The following FTCDNL1 variants were observed in gnomAD, a reference collection of about 807,000 sequenced individuals.
FTCDNL1 encodes formiminotransferase N-terminal subdomain-containing protein.
FTCDNL1 carries 11 observed loss-of-function variants against 5.9 expected under a neutral mutation model. The observed-to-expected ratio is 1.87, with a 90% CI of 1.18 to 3.10. The LOEUF (loss-of-function observed/expected upper bound fraction) is 3.10. Ranked by LOEUF, FTCDNL1 falls within the 30% of genes most tolerant of loss-of-function variation. The probability of loss-of-function intolerance (pLI) is 0.00; values close to 1 mark genes in which losing one functional copy is unlikely to be tolerated. For missense variants in FTCDNL1, 115 were observed against 65.5 expected (o/e 1.76, Z -2.61); for synonymous variants, 58 against 24.8 (o/e 2.34, Z -3.99).
At chr2:199,831,185 C>T (rs1297483608) in intron 3 of FTCDNL1, among the ~76,000 whole-genome samples, 2 of 151,984 alleles carry the variant, frequency 1.3e-5, no homozygotes, top group African/African-American at 4.8e-5. Context: ...ATTGGCATGA[C>T]AGTAAAAAAT....
the FTCDNL1 span, among the ~76,000 whole-genome samples, chr2:199,731,851 G>A: frequency 6.6e-6 from 1 of 150,570 alleles, no homozygotes; most frequent in Non-Finnish European, 1.5e-5. Context: ...TCCCGCCACT[G>A]CACTCCAGCC....
At chr2:199,714,377 T>G in the FTCDNL1 span, among the ~76,000 whole-genome samples, 6 of 152,196 alleles carry the variant, frequency 3.9e-5, no homozygotes, top group Non-Finnish European at 5.9e-5. Context: ...TGTTTATCTC[T>G]TATTAACATC....
At chr2:199,725,500 G>C in the FTCDNL1 span, among the ~76,000 whole-genome samples, 1 of 152,158 alleles carries the variant, frequency 6.6e-6, no homozygotes, top group East Asian at 1.9e-4. Context: ...GTGTACTTCA[G>C]TGTGTTTTTG....
chr2:199,695,573 G>A, the FTCDNL1 span, among the ~76,000 whole-genome samples: 1 of 143,078 alleles, frequency 7.0e-6, no homozygotes, highest in Non-Finnish European at 1.5e-5. Flanking sequence ...TGGGAACCCT[G>A]CATGTGGTTG....
chr2:199,711,301 T>C, the FTCDNL1 span, among the ~76,000 whole-genome samples: 2 of 132,764 alleles, frequency 1.5e-5, no homozygotes, highest in Non-Finnish European at 3.1e-5. Flanking sequence ...GAGGCTCTGC[T>C]AAGTGTAAAG....
intron 3 of FTCDNL1, among the ~76,000 whole-genome samples, chr2:199,765,264 T>A (rs1316601680): frequency 6.6e-6 from 1 of 151,912 alleles, no homozygotes; most frequent in Non-Finnish European, 1.5e-5. Context: ...TGATAATGTG[T>A]CAATGTAGGT....
At chr2:199,845,998 T>C in intron 3 of FTCDNL1, 77 bp downstream of exon 3, 2 of 595,170 alleles carry the variant, frequency 3.4e-6, no homozygotes, top group South Asian at 4.3e-5. Context: ...ACAGAGGAAA[T>C]CAATGATTAG....
rs562069254 is a variant in FTCDNL1, at chr2:199,769,987, C to T, written c.212-9152G>A. 3.9e-5 allele frequency among the ~76,000 whole-genome samples: 6 copies of T among 152,088 alleles called. No homozygotes were observed. The South Asian group carries it at 1.0e-3, about 26-fold the overall frequency. On this transcript the variant is annotated intron_variant, in intron 3 of 3. Transcript: ENST00000416668. ...TCCTCTAAAGCTCAGCTCACATTTT[C>T]GTTCAAATCTCATCCTCATGCTTGT... is the stretch of plus-strand genomic sequence containing the variant.
the FTCDNL1 span, among the ~76,000 whole-genome samples, chr2:199,730,751 T>C: frequency 6.6e-6 from 1 of 152,218 alleles, no homozygotes; most frequent in Admixed American, 6.5e-5. Context: ...GGTGGGTGTG[T>C]AAATTAGCTC....
chr2:199,841,388 A>T (rs535289147), intron 3 of FTCDNL1, among the ~76,000 whole-genome samples: 1 of 152,024 alleles, frequency 6.6e-6, no homozygotes, highest in Non-Finnish European at 1.5e-5. Context: ...TCTGTCTCAA[A>T]AAATAAATAA....
At chr2:199,752,844 G>C in the FTCDNL1 span, among the ~76,000 whole-genome samples, 12 of 151,692 alleles carry the variant, frequency 7.9e-5, no homozygotes, top group East Asian at 1.9e-4. Context: ...GAGAGAGAGA[G>C]AGACAGACAA....
At chr2:199,822,377 C>G (rs1203079980) in intron 3 of FTCDNL1, among the ~76,000 whole-genome samples, 7 of 152,312 alleles carry the variant, frequency 4.6e-5, no homozygotes, top group Non-Finnish European at 1.0e-4. Flanking sequence ...GTACTCCAGC[C>G]TTGGTGACAG....
intron 3 of FTCDNL1, among the ~76,000 whole-genome samples, chr2:199,795,550 T>TC (rs982719422): frequency 6.6e-4 from 100 of 152,294 alleles, no homozygotes; most frequent in African/African-American, 2.4e-3. Flanking sequence ...GAAAGCAAGC[T>TC]CCCTAAGGGC....
At chr2:199,832,007 T>C (rs775474796) in intron 3 of FTCDNL1, among the ~76,000 whole-genome samples, 18 of 152,266 alleles carry the variant, frequency 1.2e-4, no homozygotes, top group Non-Finnish European at 2.2e-4. Flanking sequence ...TTCATGGAGA[T>C]ACAGATACAA....
At chr2:199,766,957 G>A (rs900148960) in intron 3 of FTCDNL1, among the ~76,000 whole-genome samples, 2 of 151,794 alleles carry the variant, frequency 1.3e-5, no homozygotes, top group East Asian at 3.9e-4. Flanking sequence ...ATTGAGGTAG[G>A]GGAAGTAAGA....
the FTCDNL1 span, among the ~76,000 whole-genome samples, chr2:199,738,213 T>C: frequency 6.6e-6 from 1 of 152,264 alleles, no homozygotes; most frequent in Non-Finnish European, 1.5e-5. Context: ...CCCAGCCTTC[T>C]CTAGTTCATG....
At chr2:199,737,033 T>A in the FTCDNL1 span, among the ~76,000 whole-genome samples, 2 of 152,250 alleles carry the variant, frequency 1.3e-5, no homozygotes, top group African/African-American at 4.8e-5. Context: ...CCACAGTGCC[T>A]GAAGTATCAT....
At chr2:199,678,360 G>A in the FTCDNL1 span, among the ~76,000 whole-genome samples, 1 of 152,096 alleles carries the variant, frequency 6.6e-6, no homozygotes, top group African/African-American at 2.4e-5. Context: ...ATGAGCAGAT[G>A]TGGGCACATG....
intron 3 of FTCDNL1, among the ~76,000 whole-genome samples, chr2:199,776,532 T>C (rs1699079277): frequency 6.6e-6 from 1 of 152,216 alleles, no homozygotes; most frequent in Non-Finnish European, 1.5e-5. Context: ...GGGATTTAAC[T>C]AAACATCTTG....
Sources: gnomAD v4.1 joint callset for allele counts (sites outside exome capture counted in the v4.1 genomes callset) on GRCh38, gnomAD v4.1.1 for gene constraint, MANE v1.5 for transcripts, NCBI Gene and HGNC (gene_info 2026-07-23, HGNC 2026-07-21) for gene names.